SLC5A4: variants seen among roughly 807,000 people sequenced by gnomAD.
The protein encoded by SLC5A4 is probable glucose sensor protein SLC5A4.
In SLC5A4, 55 loss-of-function variants were observed where a neutral mutation model predicts 70.3. The ratio of observed to expected loss-of-function variants is 0.78; its 90% confidence interval spans 0.63 to 0.98. The LOEUF (loss-of-function observed/expected upper bound fraction) is 0.98, where lower values mean the gene tolerates loss of function less well. Ranked by LOEUF, SLC5A4 falls within the 50% of genes least tolerant of loss-of-function variation. SLC5A4 has a pLI of 0.00. For missense variants in SLC5A4, 735 were observed against 839.2 expected, an observed-to-expected ratio of 0.88 and a Z score of 1.53; for synonymous variants, 268 against 305.7, an observed-to-expected ratio of 0.88 and a Z score of 1.29.
chr22:32,229,512 A>T (rs542244172), intron 10 of SLC5A4, among the ~76,000 whole-genome samples, 168 bp from the exon 11 acceptor site: 1 of 152,338 alleles, frequency 6.6e-6, no homozygotes, highest in East Asian at 1.9e-4. Flanking sequence ...GTCACCTGAG[A>T]ATAATCCAGT....
chr22:32,279,290 AAAAC>A, the SLC5A4 span, among the ~76,000 whole-genome samples: 2 of 152,242 alleles, frequency 1.3e-5, no homozygotes, highest in African/African-American at 4.8e-5. Flanking sequence ...AACAAAAACA[AAAAC>A]AAACAACCAA....
At chr22:32,271,961 G>C in the SLC5A4 span, 15 of 596,520 alleles carry the variant, frequency 2.5e-5, no homozygotes, top group Non-Finnish European at 4.4e-5. Context: ...GCGAGGAGAA[G>C]GCATTTGAGA....
chr22:32,305,290 G>A, the SLC5A4 span, among the ~76,000 whole-genome samples: 66,682 of 144,568 alleles, frequency 0.46, 16,746 homozygotes, highest in Non-Finnish European at 0.48. Flanking sequence ...GAAGACACGT[G>A]TCTGACTGCT....
the SLC5A4 span, among the ~76,000 whole-genome samples, chr22:32,282,178 C>T: frequency 6.6e-6 from 1 of 152,114 alleles, no homozygotes. Flanking sequence ...GATAGCAAAG[C>T]TCTTTGTAGG....
rs9621415 is a variant in SLC5A4, at chr22:32,233,039, C to T, written c.886-5G>A. 0.014 allele frequency: 23,158 copies of T among 1,611,064 alleles called. 191 individuals are homozygous for T. Among genetic ancestry groups the T allele is most frequent in the Non-Finnish European group, 0.017 (20,051 of 1,178,502 alleles). ...CAGGCAGCGCTGCACAATGACCTGC[C>T]GGGAGAACGTGACACACTCATGAAA... On this transcript the variant is annotated splice_polypyrimidine_tract_variant and splice_region_variant and intron_variant, in intron 8 of 14. Transcript: ENST00000266086.
the SLC5A4 span, chr22:32,269,929 A>G: frequency 5.6e-6 from 3 of 539,296 alleles, no homozygotes; most frequent in South Asian, 3.0e-5. The surrounding 1 kb of genome is among the most constrained non-coding windows in gnomAD (Gnocchi z 4.1). Flanking sequence ...CACCACCAGC[A>G]TGGTCACCAT....
the SLC5A4 span, among the ~76,000 whole-genome samples, chr22:32,339,803 G>A: frequency 1.3e-5 from 2 of 152,212 alleles, no homozygotes; most frequent in Admixed American, 6.5e-5. Flanking sequence ...AGGGGCCAAT[G>A]GCAGATCAGA....
chr22:32,323,543 T>G, the SLC5A4 span, among the ~76,000 whole-genome samples: 1 of 152,204 alleles, frequency 6.6e-6, no homozygotes, highest in South Asian at 2.1e-4. Flanking sequence ...TGGTGACTAT[T>G]CAGTCTCTGG....
the SLC5A4 span, among the ~76,000 whole-genome samples, chr22:32,300,328 CCCTCTGAG>C: frequency 6.7e-6 from 1 of 148,882 alleles, no homozygotes; most frequent in African/African-American, 2.5e-5. Flanking sequence ...GGGCGTAGGA[CCCTCTGAG>C]CCAGGTGCGG....
intron 6 of SLC5A4, among the ~76,000 whole-genome samples, chr22:32,238,397 T>A (rs956948039): frequency 1.3e-5 from 2 of 152,232 alleles, no homozygotes; most frequent in Non-Finnish European, 2.9e-5. Context: ...AAAACTGTTT[T>A]GACTGTTCTA....
chr22:32,303,089 A>C, the SLC5A4 span, among the ~76,000 whole-genome samples: 1 of 152,196 alleles, frequency 6.6e-6, no homozygotes, highest in South Asian at 2.1e-4. Flanking sequence ...GTGAACCCAA[A>C]AGTCTCTGAG....
the SLC5A4 span, chr22:32,272,724 G>A: frequency 3.9e-6 from 2 of 506,378 alleles, no homozygotes; most frequent in Non-Finnish European, 3.7e-6. Flanking sequence ...CCACATGAAC[G>A]CATTCTATAG....
the SLC5A4 span, among the ~76,000 whole-genome samples, chr22:32,304,059 C>T: frequency 6.6e-6 from 1 of 152,190 alleles, no homozygotes; most frequent in African/African-American, 2.4e-5. Flanking sequence ...GATGGAGCAT[C>T]TTTTCAGATG....
At chr22:32,323,471 C>G in the SLC5A4 span, among the ~76,000 whole-genome samples, 1 of 152,252 alleles carries the variant, frequency 6.6e-6, no homozygotes, top group East Asian at 1.9e-4. Context: ...GAGCCCATCT[C>G]CAACCTCCAT....
chr22:32,297,837 G>A, the SLC5A4 span, among the ~76,000 whole-genome samples: 1 of 107,014 alleles, frequency 9.3e-6, no homozygotes, highest in Non-Finnish European at 2.0e-5. Context: ...GTGTCCCAGA[G>A]ATTCTGGTAT....
chr22:32,292,159 TA>T, the SLC5A4 span, among the ~76,000 whole-genome samples: 61 of 53,860 alleles, frequency 1.1e-3, no homozygotes, highest in East Asian at 2.5e-3. Context: ...ATATATTATA[TA>T]TATAATATAT....
chr22:32,332,348 T>C, the SLC5A4 span, among the ~76,000 whole-genome samples: 2 of 152,232 alleles, frequency 1.3e-5, no homozygotes, highest in South Asian at 2.1e-4. Flanking sequence ...GATGGATGGA[T>C]GTGCGGCTGT....
the SLC5A4 span, among the ~76,000 whole-genome samples, chr22:32,344,793 T>G: frequency 2.6e-5 from 4 of 152,150 alleles, no homozygotes; most frequent in African/African-American, 9.7e-5. Flanking sequence ...TATATTGAGA[T>G]TCATACAGCT....
chr22:32,328,122 AACACACACACCAGACCCCAGC>A, the SLC5A4 span, among the ~76,000 whole-genome samples: 1 of 148,952 alleles, frequency 6.7e-6, no homozygotes, highest in Non-Finnish European at 1.5e-5. Context: ...GAGCCCCCAA[AACACACACACCAGACCCCAGC>A]ACACACACAC....
Sources: gnomAD v4.1 joint callset for allele counts (sites outside exome capture counted in the v4.1 genomes callset) on GRCh38, gnomAD v4.1.1 for gene constraint, Gnocchi (gnomAD v3.1) non-coding constraint, MANE v1.5 for transcripts, NCBI Gene and HGNC (gene_info 2026-07-23, HGNC 2026-07-21) for gene names.